Variants in GRM5 observed in about 807,000 individuals in gnomAD.
GRM5 encodes metabotropic glutamate receptor 5.
GRM5 carries 19 observed loss-of-function variants against 83.1 expected under a neutral mutation model. The ratio of observed to expected loss-of-function variants is 0.23; its 90% CI spans 0.16 to 0.34. GRM5 has a LOEUF of 0.34. Ranked by LOEUF, GRM5 falls within the 10% of genes least tolerant of loss-of-function variation. The pLI, the probability that GRM5 is intolerant of heterozygous loss-of-function variation, is 1.00. For synonymous variants in GRM5, 675 were observed against 633.6 expected (o/e 1.07, Z -0.98); for missense variants, 1,160 against 1,588.3 (o/e 0.73, Z 4.58).
chr11:88,517,128 TACAC>T (rs60251358), intron 9 of GRM5, among the ~76,000 whole-genome samples: 31,859 of 148,030 alleles, frequency 0.22, 3,486 homozygotes, highest in Middle Eastern at 0.26. Context: ...TTGGCTTCTG[TACAC>T]ACACACACAC....
intron 4 of GRM5, among the ~76,000 whole-genome samples, chr11:88,652,832 A>C (rs747764553): frequency 6.6e-6 from 1 of 152,116 alleles, no homozygotes; most frequent in Non-Finnish European, 1.5e-5. Context: ...AATAGAAATG[A>C]GCAGAATGCA....
At position 88,507,593 on chromosome 11, in the gene GRM5, A is replaced by C. The variant is rs1401478074; in HGVS notation, c.*999T>G. 1 of 152,254 alleles carries C rather than the reference A, an allele frequency of 6.6e-6. No homozygotes were observed. The highest frequency in any genetic ancestry group is 2.4e-5 in the African/African-American group (1 of 41,470). 9.4% of individuals were successfully genotyped at this position (152,254 alleles called of 1,614,324 possible). ...GCTCTTTGTGCATCAGGTTCTCAAAATAAAGGAATGAAGAAGCCCCAATGC... is the reference window on the plus strand; with the variant it reads ...GCTCTTTGTGCATCAGGTTCTCAAACTAAAGGAATGAAGAAGCCCCAATGC... On this transcript the variant is annotated 3_prime_UTR_variant, in exon 10 of 10. Coordinates refer to ENST00000305447, the MANE Select transcript of GRM5 (RefSeq NM_001143831.3).
At chr11:88,778,343 T>C (rs1045840969) in intron 3 of GRM5, among the ~76,000 whole-genome samples, 11 of 152,200 alleles carry the variant, frequency 7.2e-5, no homozygotes, top group African/African-American at 2.2e-4. Flanking sequence ...TGTCCCGTTT[T>C]TCCACATAGT....
chr11:88,838,101 A>AAAAAAAAAAAAAC, intron 3 of GRM5, among the ~76,000 whole-genome samples: 1 of 148,742 alleles, frequency 6.7e-6, no homozygotes, highest in Non-Finnish European at 1.5e-5. Flanking sequence ...AAAAAAAAAA[A>AAAAAAAAAAAAAC]AAAAAAAAGA....
chr11:88,659,727 C>T (rs1166772898), intron 3 of GRM5, among the ~76,000 whole-genome samples: 1 of 152,116 alleles, frequency 6.6e-6, no homozygotes, highest in Non-Finnish European at 1.5e-5. Context: ...GTGAAACCTC[C>T]TGAGTGCTAT....
At chr11:88,760,586 A>G (rs1247039541) in intron 3 of GRM5, among the ~76,000 whole-genome samples, 5 of 152,106 alleles carry the variant, frequency 3.3e-5, no homozygotes, top group Admixed American at 6.6e-5. Context: ...CAACCAAAAC[A>G]ATTCTCAGTG....
At chr11:88,917,724 C>A (rs926384053) in intron 2 of GRM5, among the ~76,000 whole-genome samples, 1 of 151,822 alleles carries the variant, frequency 6.6e-6, no homozygotes, top group African/African-American at 2.4e-5. Flanking sequence ...CTCTCAAGAG[C>A]AGAATGGATG....
At chr11:88,962,199 A>T (rs1396981057) in intron 2 of GRM5, among the ~76,000 whole-genome samples, 1 of 152,216 alleles carries the variant, frequency 6.6e-6, no homozygotes, top group Non-Finnish European at 1.5e-5. Context: ...TGTAGGATCC[A>T]TTCGCCATGC....
At chr11:88,796,453 C>T (rs1177001422) in intron 3 of GRM5, among the ~76,000 whole-genome samples, 1 of 152,004 alleles carries the variant, frequency 6.6e-6, no homozygotes, top group African/African-American at 2.4e-5. Context: ...TTACAAAAGA[C>T]ATAATTTAAA....
chr11:88,701,626 A>G (rs1253931651), intron 3 of GRM5, among the ~76,000 whole-genome samples: 4 of 152,174 alleles, frequency 2.6e-5, no homozygotes, highest in Admixed American at 2.6e-4. Flanking sequence ...ATTCTGTCTT[A>G]TACATTTTAG....
chr11:88,715,015 T>C (rs1941369985), intron 3 of GRM5, among the ~76,000 whole-genome samples: 1 of 151,948 alleles, frequency 6.6e-6, no homozygotes, highest in African/African-American at 2.4e-5. Flanking sequence ...TTGATGAAAA[T>C]GAAAGATGGG....
intron 3 of GRM5, among the ~76,000 whole-genome samples, chr11:88,770,638 A>G (rs1591502857): frequency 6.6e-6 from 1 of 152,166 alleles, no homozygotes; most frequent in Non-Finnish European, 1.5e-5. Flanking sequence ...TTGATTTATT[A>G]CTATGTGATG....
chr11:88,799,108 T>A (rs972185754), intron 3 of GRM5, among the ~76,000 whole-genome samples: 18 of 152,110 alleles, frequency 1.2e-4, no homozygotes, highest in Admixed American at 1.1e-3. Flanking sequence ...AAAAAGTACA[T>A]GGCCTTCAAC....
chr11:89,065,191 A>T (rs1056282496), intron 1 of GRM5, among the ~76,000 whole-genome samples: 1 of 151,380 alleles, frequency 6.6e-6, no homozygotes, highest in African/African-American at 2.4e-5. Context: ...AGCACCAGCA[A>T]CTGCCATTAG....
At chr11:88,822,881 T>G (rs1385689538) in intron 3 of GRM5, among the ~76,000 whole-genome samples, 1 of 152,036 alleles carries the variant, frequency 6.6e-6, no homozygotes, top group Non-Finnish European at 1.5e-5. Context: ...CTCCAGTTTT[T>G]TGAAGTGTGA....
chr11:88,857,384 T>C (rs1397491124), intron 2 of GRM5, among the ~76,000 whole-genome samples: 1 of 152,078 alleles, frequency 6.6e-6, no homozygotes, highest in Non-Finnish European at 1.5e-5. Flanking sequence ...TAGTCTGGCA[T>C]GATATCATCC....
At chr11:88,876,585 A>G (rs1437811698) in intron 2 of GRM5, among the ~76,000 whole-genome samples, 1 of 152,054 alleles carries the variant, frequency 6.6e-6, no homozygotes, top group Non-Finnish European at 1.5e-5. Flanking sequence ...CACCTTCCTC[A>G]TTAAGCTTAA....
At chr11:88,997,447 A>C (rs1334513735) in intron 2 of GRM5, among the ~76,000 whole-genome samples, 1 of 151,776 alleles carries the variant, frequency 6.6e-6, no homozygotes, top group Non-Finnish European at 1.5e-5. Flanking sequence ...GAAAATAATA[A>C]ATATAATAAC....
intron 3 of GRM5, among the ~76,000 whole-genome samples, chr11:88,744,139 A>G (rs1207272945): frequency 6.6e-6 from 1 of 152,198 alleles, no homozygotes; most frequent in African/African-American, 2.4e-5. Flanking sequence ...ATCTAGGACC[A>G]TAGTTAGATA....
Sources: gnomAD v4.1 joint callset for allele counts (sites outside exome capture counted in the v4.1 genomes callset) on GRCh38, gnomAD v4.1.1 for gene constraint, MANE v1.5 for transcripts, NCBI Gene and HGNC (gene_info 2026-07-23, HGNC 2026-07-21) for gene names.